CDC37L1: variants seen among roughly 807,000 people sequenced by gnomAD.
The protein encoded by CDC37L1 is hsp90 co-chaperone Cdc37-like 1.
CDC37L1 carries 32 observed loss-of-function variants against 45.9 expected under a neutral mutation model. The ratio of observed to expected loss-of-function variants is 0.70; its 90% CI spans 0.53 to 0.94. The LOEUF (loss-of-function observed/expected upper bound fraction) is 0.94. Ranked by LOEUF, CDC37L1 falls within the 40% of genes least tolerant of loss-of-function variation. The pLI, the probability that CDC37L1 is intolerant of heterozygous loss-of-function variation, is 0.00. For missense variants in CDC37L1, 434 were observed against 405.7 expected, an observed-to-expected ratio of 1.07 and a Z score of -0.60; for synonymous variants, 150 against 133.0, an observed-to-expected ratio of 1.13 and a Z score of -0.88.
chr9:4,687,699 AAAG>A (rs1406418644), intron 2 of CDC37L1, among the ~76,000 whole-genome samples: 5 of 150,974 alleles, frequency 3.3e-5, no homozygotes, highest in African/African-American at 7.3e-5. Context: ...AAAAAAAAAA[AAAG>A]ACACGCAACA....
intron 5 of CDC37L1, among the ~76,000 whole-genome samples, chr9:4,698,199 T>C (rs961261286): frequency 6.6e-5 from 10 of 152,050 alleles, no homozygotes; most frequent in Non-Finnish European, 1.2e-4. Context: ...TTTCAGATGC[T>C]CAGGATGCAT....
In CDC37L1 at chr9:4,685,299, T is replaced by G. The variant is rs114865802; in HGVS notation, c.414+141T>G. ...CAGTTTATGAAAGGTGCTTGAAAAG[T>G]TTATGAAAGTCAAAAAGTCTCAAAG... On this transcript the variant is annotated intron_variant, in intron 2 of 6. Coordinates refer to ENST00000381854, the MANE Select transcript of CDC37L1 (RefSeq NM_017913.4). 2,314 of 676,310 alleles carry G rather than the reference T, an allele frequency of 3.4e-3. 47 individuals are homozygous for G. In the African/African-American group the frequency reaches 0.038, roughly 11 times the overall value. The allele number at this position is 676,310 out of a possible 1,614,324, so 41.9% of individuals were successfully genotyped here. A position where few individuals can be genotyped will look rare whatever the true frequency, so the allele number is the denominator to read the frequency against.
intron 6 of CDC37L1, among the ~76,000 whole-genome samples, chr9:4,702,418 A>AT (rs1444402038): frequency 6.6e-6 from 1 of 152,222 alleles, no homozygotes; most frequent in Admixed American, 6.5e-5. Context: ...GGACATGCAC[A>AT]TGGAACCAGT....
chr9:4,685,337 A>T, intron 2 of CDC37L1, 179 bp downstream of exon 2: 1 of 554,794 alleles, frequency 1.8e-6, no homozygotes, highest in South Asian at 2.3e-5. Flanking sequence ...CTTGCTGTAG[A>T]GCTGCAGACT....
At chr9:4,681,453 T>C (rs956804142) in intron 1 of CDC37L1, among the ~76,000 whole-genome samples, 2 of 152,192 alleles carry the variant, frequency 1.3e-5, no homozygotes, top group Admixed American at 1.3e-4. Flanking sequence ...GAGACCAGCC[T>C]GACCAACATG....
intron 3 of CDC37L1, among the ~76,000 whole-genome samples, chr9:4,690,263 T>C (rs374418450): frequency 2.6e-5 from 4 of 152,216 alleles, no homozygotes; most frequent in African/African-American, 9.6e-5. Context: ...GTATTACTGA[T>C]TAGAAGCATG....
At chr9:4,689,536 G>A (rs1441414241) in intron 3 of CDC37L1, among the ~76,000 whole-genome samples, 3 of 150,866 alleles carry the variant, frequency 2.0e-5, no homozygotes, top group Admixed American at 1.3e-4. Context: ...TAATTTATTC[G>A]TAAAATATTC....
intron 5 of CDC37L1, 46 bp downstream of exon 5, chr9:4,697,925 C>CT: frequency 1.3e-6 from 2 of 1,585,084 alleles, no homozygotes; most frequent in Non-Finnish European, 1.7e-6. Context: ...TTGGTCCCAG[C>CT]TGAGACCTCT....
intron 1 of CDC37L1, among the ~76,000 whole-genome samples, chr9:4,683,020 A>G (rs1048874811): frequency 2.8e-5 from 4 of 142,702 alleles, no homozygotes; most frequent in African/African-American, 1.0e-4. Context: ...TATATTAAAT[A>G]TATATTATAT....
At chr9:4,687,003 GC>G (rs1435060331) in intron 2 of CDC37L1, among the ~76,000 whole-genome samples, 1 of 152,096 alleles carries the variant, frequency 6.6e-6, no homozygotes, top group Non-Finnish European at 1.5e-5. Context: ...GTTTCTTTTT[GC>G]TTTTTAACGT....
At chr9:4,679,966 G>A in intron 1 of CDC37L1, 67 bp downstream of exon 1, 2 of 1,589,370 alleles carry the variant, frequency 1.3e-6, no homozygotes, top group Non-Finnish European at 1.7e-6. Flanking sequence ...GGAATGCCGC[G>A]TCTCCCAGAC....
At position 4,702,369 on chromosome 9, in the gene CDC37L1, A is replaced by G. The variant is rs566312130; in HGVS notation, c.912+341A>G. Among the ~76,000 whole-genome samples the G allele has an allele frequency of 1.6e-4, 24 of 152,328 alleles. No homozygotes were observed. In the South Asian group the frequency reaches 1.7e-3, roughly 11 times the overall value. ...AAACATCTCATCCTGAGTTAAAACT[A>G]TGCCATTTTGAATTTTTTAGGATGA... On this transcript the variant is annotated intron_variant, in intron 6 of 6. Transcript: ENST00000381854.
Position 4,697,886 on chromosome 9 carries a change from A to G in CDC37L1, c.747+7A>G. 1 of 1,612,828 alleles carries G rather than the reference A, an allele frequency of 6.2e-7. No homozygotes were observed. The highest frequency in any genetic ancestry group is 8.5e-7 in the Non-Finnish European group (1 of 1,179,200). ...ATTTTTCCAGAAAGCCAAAGTAAGTAGTTATTTGATATTGATAAATGGGAA... is the reference window on the plus strand; with the variant it reads ...ATTTTTCCAGAAAGCCAAAGTAAGTGGTTATTTGATATTGATAAATGGGAA... On this transcript the variant is annotated splice_region_variant and intron_variant, in intron 5 of 6. Transcript: ENST00000381854.
chr9:4,688,415 T>C (rs1261809219), intron 2 of CDC37L1, 98 bp from the exon 3 acceptor site: 4 of 661,452 alleles, frequency 6.0e-6, no homozygotes, highest in Non-Finnish European at 9.7e-6. Flanking sequence ...ATACCACATA[T>C]ATTGTCTATA....
intron 1 of CDC37L1, 64 bp downstream of exon 1, chr9:4,679,963 C>T (rs1324569632): frequency 6.3e-7 from 1 of 1,591,900 alleles, no homozygotes; most frequent in South Asian, 1.1e-5. Context: ...CCTGGAATGC[C>T]GCGTCTCCCA....
At chr9:4,705,023 C>T (rs756735888) in intron 6 of CDC37L1, among the ~76,000 whole-genome samples, 3 of 152,068 alleles carry the variant, frequency 2.0e-5, no homozygotes, top group Admixed American at 6.6e-5. Flanking sequence ...GGGAATAATC[C>T]GAACTCCAGC....
Position 4,706,335 on chromosome 9 carries a change from A to G in CDC37L1, c.*223A>G. 1 of 301,818 alleles carries G rather than the reference A, an allele frequency of 3.3e-6. No individual in the cohort carries two copies. The highest frequency in any genetic ancestry group is 6.1e-6 in the Non-Finnish European group (1 of 162,686). 18.7% of individuals were successfully genotyped at this position (301,818 alleles called of 1,614,324 possible). ...GTGGTACCATATGTTGCAGGAAGTC[A>G]AACTGGACTTTTTGTGGCTACTAAA... On this transcript the variant is annotated 3_prime_UTR_variant, in exon 7 of 7. Transcript: ENST00000381854.
intron 3 of CDC37L1, among the ~76,000 whole-genome samples, chr9:4,692,355 C>T (rs670002): frequency 1.3e-5 from 2 of 151,810 alleles, no homozygotes; most frequent in Admixed American, 6.6e-5. Flanking sequence ...CTGCAACCTC[C>T]GCCTCCCGGG....
At chr9:4,705,149 A>G (rs917129527) in intron 6 of CDC37L1, among the ~76,000 whole-genome samples, 1 of 152,186 alleles carries the variant, frequency 6.6e-6, no homozygotes, top group African/African-American at 2.4e-5. Context: ...TAAGACATCT[A>G]TCCTGTTTGA....
Sources: allele counts gnomAD v4.1 joint callset (sites outside exome capture counted in the v4.1 genomes callset), GRCh38; gene constraint gnomAD v4.1.1; transcripts MANE v1.5; gene names NCBI Gene and HGNC (gene_info 2026-07-23, HGNC 2026-07-21).